Variants in GRB10 observed in about 807,000 individuals in gnomAD.
GRB10 encodes the protein growth factor receptor bound protein 10.
A neutral mutation model predicts 80.9 loss-of-function variants in GRB10; 20 were observed. The ratio of observed to expected loss-of-function variants is 0.25; its 90% CI spans 0.17 to 0.36. GRB10 has a LOEUF of 0.36. Ranked by LOEUF, GRB10 falls within the 10% of genes least tolerant of loss-of-function variation. The pLI is 1.00. For missense variants in GRB10, 548 were observed against 747.7 expected (o/e 0.73, Z 3.12); for synonymous variants, 291 against 291.5 (o/e 1.00, Z 0.02).
chr7:50,648,365 T>C (rs2057533354), intron 7 of GRB10, among the ~76,000 whole-genome samples: 1 of 152,090 alleles, frequency 6.6e-6, no homozygotes, highest in Admixed American at 6.5e-5. Flanking sequence ...CAAGTGGAAT[T>C]GAATAGCACA....
At chr7:50,729,832 T>C (rs145303602) in intron 4 of GRB10, among the ~76,000 whole-genome samples, 33 of 150,610 alleles carry the variant, frequency 2.2e-4, no homozygotes, top group African/African-American at 7.8e-4. Flanking sequence ...AGTTGTTCCA[T>C]GTCTGTCTCC....
At chr7:50,614,977 C>T in intron 11 of GRB10, 97 bp from the exon 12 acceptor site, 1 of 789,862 alleles carries the variant, frequency 1.3e-6, no homozygotes, top group South Asian at 1.4e-5. Flanking sequence ...CACTTACAAG[C>T]ACTTTCCCCG....
intron 7 of GRB10, among the ~76,000 whole-genome samples, chr7:50,668,987 G>A (rs1466258607): frequency 2.0e-5 from 3 of 152,232 alleles, no homozygotes; most frequent in Admixed American, 2.0e-4. Flanking sequence ...AAACTCTTCT[G>A]CTTTCGGCAG....
At chr7:50,718,597 C>T (rs1021379092) in intron 4 of GRB10, among the ~76,000 whole-genome samples, 5 of 152,116 alleles carry the variant, frequency 3.3e-5, no homozygotes, top group Non-Finnish European at 5.9e-5. Flanking sequence ...GTCTTAAACC[C>T]GCACTCTACA....
rs551720679 is a variant in GRB10 at position 50,630,729 on chromosome 7, A to C, written c.505-3751T>G. Among the ~76,000 whole-genome samples the C allele has an allele frequency of 3.9e-5, 6 of 152,350 alleles. No individual in the cohort carries two copies. The East Asian group carries it at 9.6e-4, about 24-fold the overall frequency. On this transcript the variant is annotated intron_variant, in intron 7 of 18. Coordinates refer to ENST00000401949, the MANE Select transcript of GRB10 (RefSeq NM_001350814.2). ...AAATTGTTTTTAAAAATAAAACGGC[A>C]ATATTAAAGAGGGCATAATTATGTC...
upstream of GRB10, among the ~76,000 whole-genome samples, chr7:50,783,237 T>G (rs1224699649): frequency 2.0e-5 from 3 of 152,208 alleles, no homozygotes. Context: ...CGTCTCACCC[T>G]TCTCCCCAAA....
At chr7:50,662,520 A>T (rs1207160581) in intron 7 of GRB10, among the ~76,000 whole-genome samples, 1 of 152,214 alleles carries the variant, frequency 6.6e-6, no homozygotes, top group Admixed American at 6.5e-5. Flanking sequence ...TGTCTTCTCC[A>T]AACTCAGCAG....
chr7:50,738,958 A>T (rs2071272842), intron 3 of GRB10, among the ~76,000 whole-genome samples: 1 of 152,086 alleles, frequency 6.6e-6, no homozygotes. Context: ...TTATCATTAT[A>T]AATAATATAT....
At chr7:50,748,772 G>A (rs539781415) in intron 3 of GRB10, among the ~76,000 whole-genome samples, 2 of 152,326 alleles carry the variant, frequency 1.3e-5, no homozygotes, top group Admixed American at 6.5e-5. Flanking sequence ...AAAGGGCAAT[G>A]ATATCCATCT....
intron 3 of GRB10, among the ~76,000 whole-genome samples, chr7:50,736,112 C>G (rs1234086449): frequency 6.6e-6 from 1 of 152,088 alleles, no homozygotes; most frequent in East Asian, 1.9e-4. Context: ...ATGGTGAAAC[C>G]TCACCTCTAC....
chr7:50,647,943 G>C (rs2057449674), intron 7 of GRB10, among the ~76,000 whole-genome samples: 1 of 152,204 alleles, frequency 6.6e-6, no homozygotes, highest in South Asian at 2.1e-4. Context: ...TGTTTGGAGG[G>C]AAGGATCAGA....
At chr7:50,783,061 G>T (rs1386573108), upstream of GRB10, among the ~76,000 whole-genome samples, 1 of 152,300 alleles carries the variant, frequency 6.6e-6, no homozygotes, top group Admixed American at 6.5e-5. Context: ...GCAAGGACGC[G>T]CACACTGGCC....
chr7:50,637,864 A>G (rs2055370186), intron 7 of GRB10, among the ~76,000 whole-genome samples: 1 of 143,164 alleles, frequency 7.0e-6, no homozygotes, highest in South Asian at 2.3e-4. Flanking sequence ...ATACAAATCA[A>G]TGAAATGGAA....
At position 50,592,709 on chromosome 7, in the gene GRB10, T is replaced by C; in HGVS notation, c.*243A>G. The stretch of plus-strand genomic sequence containing the variant: ...TTCCAGTTTATTTTCAACTTTCCGC[T>C]GGATCTTCCATGCCCTCCCCAATTT... On this transcript the variant is annotated 3_prime_UTR_variant, in exon 19 of 19. Coordinates refer to ENST00000401949, the MANE Select transcript of GRB10 (RefSeq NM_001350814.2). 3 of 557,690 alleles carry C rather than the reference T, an allele frequency of 5.4e-6. No homozygotes were observed. Among genetic ancestry groups the C allele is most frequent in the Non-Finnish European group, 9.7e-6 (3 of 309,568 alleles). The allele number at this position is 557,690 out of a possible 1,614,324, so 34.5% of individuals were successfully genotyped here.
intron 2 of GRB10, chr7:50,762,118 TAC>T (rs1222786546): frequency 1.3e-5 from 2 of 151,948 alleles, no homozygotes; most frequent in Non-Finnish European, 2.9e-5. Flanking sequence ...CGTCACTATT[TAC>T]AGATGAAATG....
chr7:50,727,835 T>G (rs907995386), intron 4 of GRB10: 34 of 152,254 alleles, frequency 2.2e-4, no homozygotes, highest in Admixed American at 1.8e-3. Flanking sequence ...GGGTCTTTTG[T>G]GTGCTAAACA....
At chr7:50,652,433 G>A (rs1221590455) in intron 7 of GRB10, among the ~76,000 whole-genome samples, 1 of 152,164 alleles carries the variant, frequency 6.6e-6, no homozygotes, top group Admixed American at 6.5e-5. Context: ...TCCTTTATTA[G>A]GGGAACTCCA....
intron 4 of GRB10, among the ~76,000 whole-genome samples, chr7:50,725,086 A>C (rs890790679): frequency 1.3e-5 from 2 of 152,134 alleles, no homozygotes; most frequent in Non-Finnish European, 2.9e-5. Context: ...TACCTGCTGT[A>C]ATGGCGACTG....
At chr7:50,771,765 C>G (rs917885583) in intron 2 of GRB10, among the ~76,000 whole-genome samples, 5 of 152,202 alleles carry the variant, frequency 3.3e-5, no homozygotes, top group Non-Finnish European at 7.3e-5. Flanking sequence ...GGGCAACGTC[C>G]TCCTCTCTCT....
Sources: allele counts gnomAD v4.1 joint callset (sites outside exome capture counted in the v4.1 genomes callset), GRCh38; gene constraint gnomAD v4.1.1; transcripts MANE v1.5; gene names NCBI Gene and HGNC (gene_info 2026-07-23, HGNC 2026-07-21).